Variants in THRB observed in about 807,000 individuals in gnomAD.
THRB encodes the protein nuclear receptor subfamily 1 group A member 2.
A neutral mutation model predicts 47.8 loss-of-function variants in THRB; 12 were observed. That is an observed-to-expected ratio of 0.25 (90% CI 0.16 to 0.41). The LOEUF is 0.41. Ranked by LOEUF, THRB falls within the 10% of genes least tolerant of loss-of-function variation. The probability of loss-of-function intolerance (pLI) is 1.00; values close to 1 mark genes in which losing one functional copy is unlikely to be tolerated. For missense variants in THRB, 348 were observed against 589.2 expected, an observed-to-expected ratio of 0.59 and a Z score of 4.24; for synonymous variants, 218 against 212.2, an observed-to-expected ratio of 1.03 and a Z score of -0.24.
At chr3:24,256,633 T>G (rs982478875) in intron 3 of THRB, among the ~76,000 whole-genome samples, 1 of 152,144 alleles carries the variant, frequency 6.6e-6, no homozygotes, top group Non-Finnish European at 1.5e-5. Flanking sequence ...GTCTCAAGTA[T>G]GTACAAGAAG....
At chr3:24,235,439 T>G (rs2048761289) in intron 3 of THRB, among the ~76,000 whole-genome samples, 1 of 152,168 alleles carries the variant, frequency 6.6e-6, no homozygotes, top group Non-Finnish European at 1.5e-5. Context: ...CAACCTTTTG[T>G]GGCCTTTTCA....
intron 3 of THRB, among the ~76,000 whole-genome samples, chr3:24,231,967 T>C (rs1191794304): frequency 3.3e-5 from 5 of 152,188 alleles, no homozygotes; most frequent in Admixed American, 6.5e-5. Context: ...CAAGGAGTTG[T>C]TGAGTTAGAA....
chr3:24,382,284 A>C (rs1240947805), intron 1 of THRB, among the ~76,000 whole-genome samples: 3 of 152,114 alleles, frequency 2.0e-5, no homozygotes, highest in Non-Finnish European at 2.9e-5. Flanking sequence ...AAGTTGGTAA[A>C]TTTTGTTAAA....
At chr3:24,177,450 G>A (rs577358281) in intron 5 of THRB, among the ~76,000 whole-genome samples, 153 of 152,234 alleles carry the variant, frequency 1.0e-3, no homozygotes, top group Non-Finnish European at 1.6e-3. Context: ...TGGACACACA[G>A]AACACACTCA....
At chr3:24,254,900 G>A (rs1259420946) in intron 3 of THRB, among the ~76,000 whole-genome samples, 1 of 152,222 alleles carries the variant, frequency 6.6e-6, no homozygotes, top group Non-Finnish European at 1.5e-5. Flanking sequence ...AGCTTTCTAT[G>A]AGCCCCTGAC....
At chr3:24,329,798 G>C (rs1457514545) in intron 2 of THRB, among the ~76,000 whole-genome samples, 1 of 152,194 alleles carries the variant, frequency 6.6e-6, no homozygotes, top group East Asian at 1.9e-4. Context: ...AATTCCTTCA[G>C]ACCAGTGATT....
chr3:24,147,348 T>C (rs1351112174), intron 6 of THRB, among the ~76,000 whole-genome samples: 1 of 152,240 alleles, frequency 6.6e-6, no homozygotes, highest in Non-Finnish European at 1.5e-5. Flanking sequence ...GGATTTAGTT[T>C]AATACTTGTT....
chr3:24,357,967 G>GC (rs1560012370), intron 1 of THRB, among the ~76,000 whole-genome samples: 2 of 152,008 alleles, frequency 1.3e-5, no homozygotes, highest in African/African-American at 4.8e-5. Flanking sequence ...AATAGTACTT[G>GC]ATTGTTTATT....
intron 4 of THRB, among the ~76,000 whole-genome samples, chr3:24,217,492 A>T (rs1002932635): frequency 6.6e-6 from 1 of 152,170 alleles, no homozygotes; most frequent in African/African-American, 2.4e-5. Context: ...CTTGGCAGGT[A>T]AGATGTTTGA....
chr3:24,388,306 A>C (rs1241646628), intron 1 of THRB, among the ~76,000 whole-genome samples: 1 of 152,052 alleles, frequency 6.6e-6, no homozygotes, highest in Admixed American at 6.6e-5. Context: ...TCACAGTCCA[A>C]CTTCTCCCTC....
intron 1 of THRB, among the ~76,000 whole-genome samples, chr3:24,441,071 C>A (rs945521643): frequency 1.3e-4 from 20 of 152,210 alleles, no homozygotes; most frequent in African/African-American, 4.8e-4. Flanking sequence ...CAGTTCTTTG[C>A]AATTGCAGGA....
intron 1 of THRB, among the ~76,000 whole-genome samples, chr3:24,411,305 AT>A (rs1470095626): frequency 6.6e-6 from 1 of 151,848 alleles, no homozygotes; most frequent in Non-Finnish European, 1.5e-5. Context: ...ATTCATTTGC[AT>A]GTACCAATAT....
intron 5 of THRB, among the ~76,000 whole-genome samples, chr3:24,171,581 C>T (rs912568563): frequency 8.5e-5 from 13 of 152,112 alleles, no homozygotes; most frequent in Non-Finnish European, 7.4e-5. Context: ...CCGTTGAGGC[C>T]GTGACCCACT....
chr3:24,402,642 A>G (rs569923647), intron 1 of THRB, among the ~76,000 whole-genome samples: 1 of 152,108 alleles, frequency 6.6e-6, no homozygotes, highest in South Asian at 2.1e-4. Context: ...AGGATATACA[A>G]TGACTACATT....
intron 3 of THRB, among the ~76,000 whole-genome samples, chr3:24,278,210 G>A (rs961199849): frequency 1.2e-4 from 19 of 152,256 alleles, no homozygotes; most frequent in African/African-American, 4.3e-4. Flanking sequence ...TTATTTATTT[G>A]ATAAAATATA....
At chr3:24,269,432 CACACACACACTTAAG>C (rs1314306180) in intron 3 of THRB, among the ~76,000 whole-genome samples, 1 of 132,358 alleles carries the variant, frequency 7.6e-6, no homozygotes, top group Non-Finnish European at 1.7e-5. Context: ...CACACACACA[CACACACACACTTAAG>C]TTATCTTCGC....
At chr3:24,371,149 T>A (rs1238172334) in intron 1 of THRB, among the ~76,000 whole-genome samples, 2 of 152,014 alleles carry the variant, frequency 1.3e-5, no homozygotes, top group East Asian at 3.9e-4. Context: ...AGCAATAGAG[T>A]GGTTAGAACA....
intron 7 of THRB, chr3:24,143,968 G>C (rs140711958): frequency 1.9e-5 from 10 of 528,266 alleles, no homozygotes; most frequent in Admixed American, 1.9e-4. Context: ...TAGACACTGC[G>C]CACTCCAACT....
At chr3:24,441,165 G>A (rs1218994815) in intron 1 of THRB, among the ~76,000 whole-genome samples, 1 of 152,184 alleles carries the variant, frequency 6.6e-6, no homozygotes, top group African/African-American at 2.4e-5. Flanking sequence ...TATGCCATGT[G>A]GCTTTTTCCA....
Sources: gnomAD v4.1 joint callset for allele counts (sites outside exome capture counted in the v4.1 genomes callset) on GRCh38, gnomAD v4.1.1 for gene constraint, MANE v1.5 for transcripts, NCBI Gene and HGNC (gene_info 2026-07-23, HGNC 2026-07-21) for gene names.